Variants in EPN2 observed in about 807,000 individuals in gnomAD.
The protein encoded by EPN2 is epsin 2.
A neutral mutation model predicts 61.7 loss-of-function variants in EPN2; 34 were observed. That is an observed-to-expected ratio of 0.55 (90% CI 0.42 to 0.73). The LOEUF (loss-of-function observed/expected upper bound fraction) is 0.73, where lower values mean the gene tolerates loss of function less well. EPN2 is among the 30% of genes least tolerant of loss of function. The pLI is 0.00. For missense variants in EPN2, 714 were observed against 839.2 expected (o/e 0.85, Z 1.84); for synonymous variants, 349 against 353.6 (o/e 0.99, Z 0.15).
chr17:19,262,933 C>T (rs1277373767), intron 1 of EPN2, among the ~76,000 whole-genome samples: 2 of 152,230 alleles, frequency 1.3e-5, no homozygotes, highest in Non-Finnish European at 2.9e-5. Flanking sequence ...CTTTTTAAGG[C>T]TGAATAATAT....
At chr17:19,264,381 A>G (rs1750603126) in intron 1 of EPN2, among the ~76,000 whole-genome samples, 3 of 152,196 alleles carry the variant, frequency 2.0e-5, no homozygotes, top group Admixed American at 2.0e-4. Flanking sequence ...GGCATGGTCA[A>G]AGGACCAGTG....
At chr17:19,308,607 G>A (rs1023926298) in intron 4 of EPN2, 2 of 985,260 alleles carry the variant, frequency 2.0e-6, no homozygotes, top group African/African-American at 3.5e-5. Flanking sequence ...CTACAAAAGA[G>A]GAGGTGGGTG....
At chr17:19,310,186 A>T (rs1435916480) in intron 5 of EPN2, among the ~76,000 whole-genome samples, 189 bp downstream of exon 5, 1 of 152,228 alleles carries the variant, frequency 6.6e-6, no homozygotes, top group African/African-American at 2.4e-5. Flanking sequence ...TCAGGGAGGG[A>T]TCCCATGCAA....
chr17:19,295,373 T>TGCGCGCGC (rs75073631), intron 4 of EPN2, among the ~76,000 whole-genome samples: 1 of 144,222 alleles, frequency 6.9e-6, no homozygotes, highest in Non-Finnish European at 1.5e-5. Flanking sequence ...CACACGCGCG[T>TGCGCGCGC]GCGCGCAAAA....
At chr17:19,293,018 T>A (rs6421431) in intron 4 of EPN2, among the ~76,000 whole-genome samples, 146,238 of 152,328 alleles carry the variant, frequency 0.96, 70,598 homozygotes, top group African/African-American at 0.99. Flanking sequence ...GTACACCTAT[T>A]ACAATTTTAA....
chr17:19,309,375 C>T (rs1443828142), intron 4 of EPN2, among the ~76,000 whole-genome samples: 3 of 152,140 alleles, frequency 2.0e-5, no homozygotes, highest in Non-Finnish European at 4.4e-5. Flanking sequence ...GTGATCCGCC[C>T]GCCTCGGCCT....
chr17:19,326,539 A>T (rs985656551), intron 7 of EPN2, among the ~76,000 whole-genome samples: 1 of 151,800 alleles, frequency 6.6e-6, no homozygotes, highest in Non-Finnish European at 1.5e-5. Flanking sequence ...TACAAAAAAT[A>T]AGCTGGGTGT....
Position 19,328,731 on chromosome 17 carries a change from A to G in EPN2, c.1168A>G (p.Ile390Val), listed in dbSNP as rs768633069. The stretch of plus-strand genomic sequence containing the variant: ...AACAGGTACCAAGCCAGCTGCCTCC[A>G]TTGACCCATGGGGGGTGCCCACTGG... ...PSFGTKPAAS[I>V]DPWGVPTGAT... The change falls in exon 8 of 11, where the codon ATT becomes GTT. Residue 390 changes from isoleucine to valine, a missense_variant. Ile to Val is a conservative substitution (Grantham distance 29). Transcript: ENST00000314728. 1.1e-5 allele frequency: 18 copies of G among 1,610,784 alleles called. No homozygotes were observed. Among genetic ancestry groups the G allele is most frequent in the Middle Eastern group, 1.7e-4 (1 of 6,050 alleles).
intron 1 of EPN2, among the ~76,000 whole-genome samples, chr17:19,272,032 C>T (rs1440773032): frequency 6.6e-6 from 1 of 152,228 alleles, no homozygotes; most frequent in African/African-American, 2.4e-5. Flanking sequence ...GTAGATTTTC[C>T]CATGCAGCTC....
At chr17:19,274,963 A>G (rs1297055928) in intron 1 of EPN2, among the ~76,000 whole-genome samples, 2 of 152,174 alleles carry the variant, frequency 1.3e-5, no homozygotes, top group African/African-American at 2.4e-5. Context: ...AGTTTACCAG[A>G]AAATTCTCCC....
chr17:19,271,480 C>T (rs1054628220), intron 1 of EPN2: 2 of 152,240 alleles, frequency 1.3e-5, no homozygotes, highest in Non-Finnish European at 2.9e-5. Context: ...CCCCAGAGCC[C>T]ACCTTTGGGA....
At chr17:19,307,291 A>G (rs1905890549) in intron 4 of EPN2, among the ~76,000 whole-genome samples, 1 of 151,946 alleles carries the variant, frequency 6.6e-6, no homozygotes, top group Non-Finnish European at 1.5e-5. Context: ...AGAAAAATAC[A>G]TTTATGTTTT....
intron 4 of EPN2, among the ~76,000 whole-genome samples, chr17:19,289,331 A>G (rs995214595): frequency 3.3e-5 from 5 of 151,838 alleles, no homozygotes; most frequent in African/African-American, 1.2e-4. Flanking sequence ...TGATCCGCCC[A>G]CCTTGGCCTC....
chr17:19,332,209 C>T (rs891694929), intron 10 of EPN2, 141 bp downstream of exon 10: 7 of 669,574 alleles, frequency 1.0e-5, no homozygotes, highest in East Asian at 2.7e-5. Context: ...CGTATGCCCT[C>T]GCCAGTGCTG....
At chr17:19,287,962 T>C (rs1367095665) in intron 4 of EPN2, among the ~76,000 whole-genome samples, 1 of 152,232 alleles carries the variant, frequency 6.6e-6, no homozygotes, top group African/African-American at 2.4e-5. Context: ...TTCCATGGCC[T>C]CAATTCAGTG....
intron 1 of EPN2, among the ~76,000 whole-genome samples, chr17:19,242,973 CAGAT>C (rs2044901606): frequency 6.6e-6 from 1 of 152,158 alleles, no homozygotes; most frequent in Non-Finnish European, 1.5e-5. Flanking sequence ...GGCCATGTGG[CAGAT>C]AGCTTTGGAA....
chr17:19,247,425 G>C (rs2044965138), intron 1 of EPN2, among the ~76,000 whole-genome samples: 1 of 152,206 alleles, frequency 6.6e-6, no homozygotes, highest in African/African-American at 2.4e-5. Flanking sequence ...AAAAAATTTA[G>C]AAGTCAGGGA....
At chr17:19,290,720 A>AAAAAG (rs1555600085) in intron 4 of EPN2, among the ~76,000 whole-genome samples, 61,994 of 103,120 alleles carry the variant, frequency 0.6, 20,235 homozygotes, top group Non-Finnish European at 0.72. Flanking sequence ...AAAAAAGAAA[A>AAAAAG]AAAAAGAAAA....
chr17:19,324,523 A>G (rs1345704252), intron 7 of EPN2, among the ~76,000 whole-genome samples: 2 of 152,004 alleles, frequency 1.3e-5, no homozygotes, highest in African/African-American at 4.8e-5. Flanking sequence ...AGTAGAGATG[A>G]GGTTTCTCAA....
Sources: allele counts gnomAD v4.1 joint callset (sites outside exome capture counted in the v4.1 genomes callset), GRCh38; gene constraint gnomAD v4.1.1; transcripts MANE v1.5; gene names NCBI Gene and HGNC (gene_info 2026-07-23, HGNC 2026-07-21).